CAMK2D: variants seen among roughly 807,000 people sequenced by gnomAD.
CAMK2D encodes calcium/calmodulin-dependent protein kinase type II subunit delta.
In CAMK2D, 37 loss-of-function variants were observed where a neutral mutation model predicts 84.0. That is an observed-to-expected ratio of 0.44 (90% confidence interval 0.34 to 0.58). The LOEUF (loss-of-function observed/expected upper bound fraction) is 0.58. Ranked by LOEUF, CAMK2D falls within the 20% of genes least tolerant of loss-of-function variation. The probability of loss-of-function intolerance (pLI) is 0.02; values close to 1 mark genes in which losing one functional copy is unlikely to be tolerated. For synonymous variants in CAMK2D, 202 were observed against 212.5 expected (o/e 0.95, Z 0.43); for missense variants, 448 against 652.5 (o/e 0.69, Z 3.41).
intron 16 of CAMK2D, among the ~76,000 whole-genome samples, chr4:113,492,523 C>T (rs188220786): frequency 0.029 from 4,368 of 152,106 alleles, 203 homozygotes; most frequent in African/African-American, 0.098. Flanking sequence ...GTTATAATTT[C>T]TGTTCTTTTA....
chr4:113,654,948 G>A lies in CAMK2D; in HGVS notation c.220+6765C>T, dbSNP rs182694331. Among the ~76,000 whole-genome samples, 7 of 151,626 alleles carry A rather than the reference G, an allele frequency of 4.6e-5. No homozygotes were observed. The East Asian group carries it at 1.4e-3, about 29-fold the overall frequency. On this transcript the variant is annotated intron_variant, in intron 3 of 20. Transcript: ENST00000511664. The stretch of plus-strand genomic sequence containing the variant: ...AATATATTTCCCCATTGTTGAATAC[G>A]CACATCTCAGAAAGACACTACTAAA...
intron 2 of CAMK2D, among the ~76,000 whole-genome samples, chr4:113,676,043 C>T (rs1592863477): frequency 6.6e-6 from 1 of 152,290 alleles, no homozygotes; most frequent in East Asian, 1.9e-4. Context: ...AACTTTATCT[C>T]TATCATACAA....
At chr4:113,712,176 A>G (rs1472837102) in intron 2 of CAMK2D, among the ~76,000 whole-genome samples, 1 of 152,208 alleles carries the variant, frequency 6.6e-6, no homozygotes, top group Non-Finnish European at 1.5e-5. Context: ...ATGTGAATGT[A>G]TCACCTATTG....
chr4:113,737,852 C>G (rs1218425520), intron 2 of CAMK2D, among the ~76,000 whole-genome samples: 1 of 152,016 alleles, frequency 6.6e-6, no homozygotes, highest in African/African-American at 2.4e-5. Context: ...ATCAAGCTCT[C>G]TAGTAAATGA....
intron 16 of CAMK2D, among the ~76,000 whole-genome samples, chr4:113,491,947 C>G (rs1160236843): frequency 6.6e-6 from 1 of 152,080 alleles, no homozygotes; most frequent in Non-Finnish European, 1.5e-5. Flanking sequence ...TTGTAGTATT[C>G]TCTGATGGTA....
intron 4 of CAMK2D, among the ~76,000 whole-genome samples, chr4:113,584,168 C>T (rs915502618): frequency 2.6e-5 from 4 of 151,988 alleles, no homozygotes; most frequent in Non-Finnish European, 5.9e-5. Context: ...ACTGAGTGGA[C>T]GTGAATTCTG....
chr4:113,462,338 G>GTCTATCTATCTATCTATCTATCTATCTA (rs1215010791), intron 17 of CAMK2D, among the ~76,000 whole-genome samples: 3 of 130,448 alleles, frequency 2.3e-5, no homozygotes, highest in African/African-American at 9.0e-5. Flanking sequence ...CTGTCTGTCT[G>GTCTATCTATCTATCTATCTATCTATCTA]TCTATCTATC....
At chr4:113,547,173 TCAAAATGAGGTTC>T (rs2098584088) in intron 6 of CAMK2D, among the ~76,000 whole-genome samples, 1 of 152,140 alleles carries the variant, frequency 6.6e-6, no homozygotes, top group African/African-American at 2.4e-5. Context: ...ATGTCAGAAT[TCAAAATGAGGTTC>T]TTTAGCACAT....
chr4:113,529,124 A>T (rs2098441289), intron 8 of CAMK2D, among the ~76,000 whole-genome samples: 1 of 152,172 alleles, frequency 6.6e-6, no homozygotes, highest in Admixed American at 6.5e-5. Context: ...CAACTCAGAT[A>T]TATTAAAGAG....
intron 2 of CAMK2D, among the ~76,000 whole-genome samples, chr4:113,685,765 G>GA (rs2099357945): frequency 6.6e-6 from 1 of 151,980 alleles, no homozygotes; most frequent in Admixed American, 6.6e-5. Context: ...ACCAGAGAAT[G>GA]AAAGTCTACA....
Position 113,453,569 on chromosome 4 carries a change from T to TGGGC in CAMK2D, c.*972_*975dup, listed in dbSNP as rs886064499. 18 of 152,184 alleles carry TGGGC rather than the reference T, an allele frequency of 1.2e-4. No homozygotes were observed. The highest frequency in any genetic ancestry group is 3.9e-4 in the African/African-American group (16 of 41,456). 9.4% of individuals were successfully genotyped at this position (152,184 alleles called of 1,614,324 possible). A position where few individuals can be genotyped will look rare whatever the true frequency, so the allele number is the denominator to read the frequency against. Reference sequence around the variant, plus strand: ...CTTTAAAATCTTGACAACATTTTTGTGGGCCCTGAAGATGATCAAAAGTGC... The same window carrying TGGGC: ...CTTTAAAATCTTGACAACATTTTTGTGGGCGGGCCCTGAAGATGATCAAAAGTGC... On this transcript the variant is annotated 3_prime_UTR_variant, in exon 21 of 21. Transcript: ENST00000511664.
At chr4:113,759,714 A>T (rs1291180251) in intron 1 of CAMK2D, among the ~76,000 whole-genome samples, 2 of 152,244 alleles carry the variant, frequency 1.3e-5, no homozygotes, top group Admixed American at 1.3e-4. Context: ...TCACAGCACC[A>T]AATGCTCTGA....
At chr4:113,600,700 T>C (rs568291454) in intron 4 of CAMK2D, among the ~76,000 whole-genome samples, 1 of 152,144 alleles carries the variant, frequency 6.6e-6, no homozygotes, top group African/African-American at 2.4e-5. Context: ...TGGCATAATC[T>C]TGTCTCACTG....
chr4:113,707,431 G>C (rs2099463664), intron 2 of CAMK2D, among the ~76,000 whole-genome samples: 1 of 152,182 alleles, frequency 6.6e-6, no homozygotes, highest in Non-Finnish European at 1.5e-5. Flanking sequence ...ATGGTAACCA[G>C]CTGTTCTCCA....
intron 6 of CAMK2D, among the ~76,000 whole-genome samples, chr4:113,539,949 A>G (rs2098519241): frequency 6.6e-6 from 1 of 152,190 alleles, no homozygotes; most frequent in Non-Finnish European, 1.5e-5. Context: ...GGGATTATTC[A>G]CTTTTTAATA....
intron 3 of CAMK2D, among the ~76,000 whole-genome samples, chr4:113,618,233 T>C (rs1034386779): frequency 6.6e-6 from 1 of 152,202 alleles, no homozygotes; most frequent in African/African-American, 2.4e-5. Flanking sequence ...ACATACTTCA[T>C]TTTATTTTGG....
intron 2 of CAMK2D, among the ~76,000 whole-genome samples, chr4:113,733,096 G>A (rs1455114207): frequency 6.6e-6 from 1 of 152,204 alleles, no homozygotes; most frequent in African/African-American, 2.4e-5. Context: ...GACTAGTGGA[G>A]AGCTTGAGGG....
In CAMK2D at chr4:113,758,245, A is replaced by G. The variant is rs546912240; in HGVS notation, c.160+1075T>C. Among the ~76,000 whole-genome samples the G allele has an allele frequency of 1.8e-4, 28 of 152,290 alleles. 2 individuals carry two copies. Among genetic ancestry groups the G allele is most frequent in the African/African-American group, 6.7e-4 (28 of 41,582 alleles). Reference sequence around the variant, plus strand: ...TATAGATCTTTCTCAGAATCATGTCAAAATCAGATGAAGGAAATTAAAACA... The same window carrying G: ...TATAGATCTTTCTCAGAATCATGTCGAAATCAGATGAAGGAAATTAAAACA... On this transcript the variant is annotated intron_variant, in intron 2 of 20. Transcript: ENST00000511664.
chr4:113,736,911 C>T (rs1593872620), intron 2 of CAMK2D, among the ~76,000 whole-genome samples: 1 of 152,232 alleles, frequency 6.6e-6, no homozygotes, highest in Non-Finnish European at 1.5e-5. Context: ...TCCAGTTCAT[C>T]AGAATATCCA....
Sources: allele counts gnomAD v4.1 joint callset (sites outside exome capture counted in the v4.1 genomes callset), GRCh38; gene constraint gnomAD v4.1.1; transcripts MANE v1.5; gene names NCBI Gene and HGNC (gene_info 2026-07-23, HGNC 2026-07-21).